Variants in PPP1R13B observed in about 807,000 individuals in gnomAD.
The protein encoded by PPP1R13B is apoptosis-stimulating of p53 protein 1.
Under a neutral mutation model 119.8 loss-of-function variants are expected in PPP1R13B, and 44 were observed. The observed-to-expected ratio is 0.37, with a 90% CI of 0.29 to 0.47. The LOEUF is 0.47. PPP1R13B is among the 20% of genes least tolerant of loss of function. The pLI is 0.99. For missense variants in PPP1R13B, 1,227 were observed against 1,413.5 expected, an observed-to-expected ratio of 0.87 and a Z score of 2.12; for synonymous variants, 542 against 561.5, an observed-to-expected ratio of 0.97 and a Z score of 0.49.
Position 103,799,144 on chromosome 14 carries a change from C to T in PPP1R13B, c.10-1626G>A, listed in dbSNP as rs146111706. ...CCTTCTGAGTAGCTGGGATTACAGG[C>T]GCATATCACCACGCCCAGCTAATTT... On this transcript the variant is annotated intron_variant, in intron 1 of 16. Coordinates refer to ENST00000202556, the MANE Select transcript of PPP1R13B (RefSeq NM_015316.3). 6.0e-3 allele frequency among the ~76,000 whole-genome samples: 915 copies of T among 152,086 alleles called. 12 individuals are homozygous for T. The highest frequency in any genetic ancestry group is 0.021 in the African/African-American group (857 of 41,510).
chr14:103,771,974 T>C (rs1306018944), intron 4 of PPP1R13B, among the ~76,000 whole-genome samples: 1 of 152,180 alleles, frequency 6.6e-6, no homozygotes, highest in African/African-American at 2.4e-5. Flanking sequence ...TTGTAATCCC[T>C]TCCTCCTATC....
At position 103,742,020 on chromosome 14, in the gene PPP1R13B, G is replaced by A. The variant is rs2084271695; in HGVS notation, c.1592C>T (p.Pro531Leu). 37 of 1,614,132 alleles carry A rather than the reference G, an allele frequency of 2.3e-5. No homozygotes were observed. The highest frequency in any genetic ancestry group is 3.1e-5 in the Non-Finnish European group (37 of 1,180,056). Residue 531 changes from proline to leucine, a missense_variant, in exon 11 of 17, where the codon CCG (proline) becomes CTG (leucine). Transcript: ENST00000202556. The surrounding 1 kb of genome is among the most constrained non-coding windows in gnomAD (Gnocchi z 4.9). ...RISVPPSPTY[P>L]PAGPPAFPAG... ...TGGAAATGCAGGTGGTCCCGCTGGC[G>A]GGTACGTGGGACTTGGCGGTACGGA...
chr14:103,848,409 G>T, upstream of PPP1R13B: 1 of 985,458 alleles, frequency 1.0e-6, no homozygotes, highest in Non-Finnish European at 1.2e-6. Context: ...GAGTGACAGA[G>T]CCCTGGGCAG....
intron 2 of PPP1R13B, among the ~76,000 whole-genome samples, chr14:103,788,373 C>T (rs1412356882): frequency 6.6e-6 from 1 of 152,202 alleles, no homozygotes; most frequent in Non-Finnish European, 1.5e-5. Flanking sequence ...AATGCTATCA[C>T]ATCCTGTTCT....
At chr14:103,771,638 G>C (rs1407357748) in intron 4 of PPP1R13B, among the ~76,000 whole-genome samples, 2 of 151,780 alleles carry the variant, frequency 1.3e-5, no homozygotes, top group Non-Finnish European at 2.9e-5. Context: ...CTGCCAGGAC[G>C]CCAGGCTAAT....
chr14:103,770,668 G>A (rs1377901212), intron 4 of PPP1R13B, among the ~76,000 whole-genome samples: 2 of 152,094 alleles, frequency 1.3e-5, no homozygotes, highest in Non-Finnish European at 2.9e-5. Flanking sequence ...CATGCCACAT[G>A]AGAACTATGA....
chr14:103,808,257 T>C (rs1595802767), intron 1 of PPP1R13B, among the ~76,000 whole-genome samples: 1 of 151,222 alleles, frequency 6.6e-6, no homozygotes, highest in Non-Finnish European at 1.5e-5. Flanking sequence ...AAAAAAAAAT[T>C]AGTGTGAAAG....
intron 4 of PPP1R13B, among the ~76,000 whole-genome samples, chr14:103,771,261 C>T (rs1009207168): frequency 2.6e-5 from 4 of 152,036 alleles, no homozygotes; most frequent in Non-Finnish European, 5.9e-5. Context: ...CTGACTTTAT[C>T]CAGGTGTCAA....
chr14:103,769,014 T>C (rs1413095577), intron 4 of PPP1R13B, among the ~76,000 whole-genome samples: 1 of 152,262 alleles, frequency 6.6e-6, no homozygotes. Context: ...AAAAAGACTA[T>C]AAATATTTTT....
chr14:103,746,589 C>G, intron 8 of PPP1R13B, 36 bp from the exon 9 acceptor site: 4 of 1,512,226 alleles, frequency 2.6e-6, no homozygotes, highest in Non-Finnish European at 3.6e-6. Context: ...CAAGATTCTC[C>G]TACATTCAAA....
At chr14:103,787,389 G>A (rs998740914) in intron 2 of PPP1R13B, among the ~76,000 whole-genome samples, 2 of 151,834 alleles carry the variant, frequency 1.3e-5, no homozygotes, top group East Asian at 2.0e-4. Context: ...TGGAGGTTGT[G>A]GACAGCTGAG....
In PPP1R13B at chr14:103,738,873, G is replaced by T; in HGVS notation, c.2730+13C>A. 6.2e-7 allele frequency: 1 copy of T among 1,612,926 alleles called. No homozygotes were observed. Among genetic ancestry groups the T allele is most frequent in the South Asian group, 1.1e-5 (1 of 91,056 alleles). On this transcript the variant is annotated intron_variant, in intron 13 of 16. Transcript: ENST00000202556. This position sits in a 1 kb window ranked among gnomAD's most constrained non-coding sequence, Gnocchi z 5.6. ...CCCCCAGCAGCGTGCACTGGTCCCC[G>T]GCTGCAGCTCACCTCATAGATGATC...
At chr14:103,782,867 G>C (rs916480278) in intron 3 of PPP1R13B, among the ~76,000 whole-genome samples, 2 of 151,654 alleles carry the variant, frequency 1.3e-5, no homozygotes, top group Non-Finnish European at 2.9e-5. Flanking sequence ...GCAATGGCGC[G>C]ATCTCGGGCT....
At position 103,746,439 on chromosome 14, in the gene PPP1R13B, C is replaced by G; in HGVS notation, c.1084G>C (p.Gly362Arg). Residue 362 changes from glycine (G) to arginine (R), a missense_variant, in exon 9 of 17, where the codon GGG becomes CGG. Gly to Arg is a moderately radical substitution (Grantham distance 125). Coordinates refer to ENST00000202556, the MANE Select transcript of PPP1R13B (RefSeq NM_015316.3). The part of the protein sequence containing the change: ...VPSAGSFPVL[G>R]DPIKPQSLSI... ...AGAGACTGGGGCTTTATAGGGTCCC[C>G]CAGCACAGGAAAGCTTCCGGCACTG... 1.2e-6 allele frequency: 2 copies of G among 1,614,106 alleles called. No individual in the cohort carries two copies. Among genetic ancestry groups the G allele is most frequent in the Non-Finnish European group, 1.7e-6 (2 of 1,179,986 alleles).
chr14:103,792,952 T>A (rs930019920), intron 2 of PPP1R13B, among the ~76,000 whole-genome samples: 2 of 151,592 alleles, frequency 1.3e-5, no homozygotes, highest in Non-Finnish European at 2.9e-5. Context: ...ATGCCTGTAG[T>A]CCCAGCTACT....
At chr14:103,790,064 G>A (rs2085578283) in intron 2 of PPP1R13B, among the ~76,000 whole-genome samples, 1 of 151,486 alleles carries the variant, frequency 6.6e-6, no homozygotes, top group Non-Finnish European at 1.5e-5. Context: ...TGGCCAACAT[G>A]GTAAAACCCT....
At chr14:103,755,388 A>T (rs1183542065) in intron 5 of PPP1R13B, among the ~76,000 whole-genome samples, 1 of 152,266 alleles carries the variant, frequency 6.6e-6, no homozygotes, top group East Asian at 1.9e-4. Flanking sequence ...ACAATCAAGG[A>T]AGTGTCTGCT....
At chr14:103,749,768 T>C in intron 8 of PPP1R13B, 26 bp downstream of exon 8, 1 of 1,607,774 alleles carries the variant, frequency 6.2e-7, no homozygotes, top group Non-Finnish European at 8.5e-7. Context: ...TTTAGTAGTT[T>C]ATCTCACAAA....
chr14:103,841,422 T>C (rs1176245270), intron 1 of PPP1R13B, among the ~76,000 whole-genome samples: 1 of 150,886 alleles, frequency 6.6e-6, no homozygotes, highest in Non-Finnish European at 1.5e-5. Context: ...ACTCCATCTC[T>C]ACTAAAAATA....
Sources: gnomAD v4.1 joint callset for allele counts (sites outside exome capture counted in the v4.1 genomes callset) on GRCh38, gnomAD v4.1.1 for gene constraint, Gnocchi (gnomAD v3.1) non-coding constraint, MANE v1.5 for transcripts, NCBI Gene and HGNC (gene_info 2026-07-23, HGNC 2026-07-21) for gene names.